Variants in RBFOX1 observed in about 807,000 individuals in gnomAD.
The protein encoded by RBFOX1 is RNA binding fox-1 homolog 1, also known as RNA binding protein fox-1 homolog 1.
Under a neutral mutation model 57.7 loss-of-function variants are expected in RBFOX1, and 8 were observed. That is an observed-to-expected ratio of 0.14 (90% confidence interval 0.08 to 0.25). RBFOX1 has a LOEUF of 0.25. Among genes scored for constraint, RBFOX1 ranks in the 10% least tolerant of loss-of-function variants. The probability of loss-of-function intolerance (pLI) is 1.00; values close to 1 mark genes in which losing one functional copy is unlikely to be tolerated. For missense variants in RBFOX1, 611 were observed against 548.5 expected, an observed-to-expected ratio of 1.11 and a Z score of -1.14; for synonymous variants, 326 against 222.4, an observed-to-expected ratio of 1.47 and a Z score of -4.15.
intron 4 of RBFOX1, among the ~76,000 whole-genome samples, chr16:7,061,542 G>T (rs1430871963): frequency 1.3e-5 from 2 of 151,916 alleles, no homozygotes; most frequent in Admixed American, 1.3e-4. Flanking sequence ...GTCTCCCCAG[G>T]CATTTGAACA....
chr16:6,793,830 A>G (rs10163400), intron 3 of RBFOX1, among the ~76,000 whole-genome samples: 117,796 of 152,028 alleles, frequency 0.77, 46,526 homozygotes, highest in East Asian at 0.93. Flanking sequence ...GTAGAAGGTG[A>G]TGTATTAAAG....
At chr16:6,722,039 C>T (rs1455753711) in intron 3 of RBFOX1, 1 of 152,234 alleles carries the variant, frequency 6.6e-6, no homozygotes, top group East Asian at 1.9e-4. Context: ...GTATTTCCTC[C>T]TATGTATCTA....
chr16:7,222,228 C>G (rs1185668366), intron 4 of RBFOX1, among the ~76,000 whole-genome samples: 1 of 152,178 alleles, frequency 6.6e-6, no homozygotes, highest in Non-Finnish European at 1.5e-5. Flanking sequence ...GCCTTGCATT[C>G]TTCTTTGCTC....
intron 2 of RBFOX1, among the ~76,000 whole-genome samples, chr16:6,608,167 G>C (rs1285741084): frequency 6.6e-6 from 1 of 152,246 alleles, no homozygotes; most frequent in South Asian, 2.1e-4. Context: ...ACTCTTACCA[G>C]ACCTATTTTG....
chr16:6,602,191 TAGG>T (rs1487385779), intron 2 of RBFOX1, among the ~76,000 whole-genome samples: 1 of 152,194 alleles, frequency 6.6e-6, no homozygotes, highest in East Asian at 1.9e-4. Context: ...TGTTGAATTT[TAGG>T]AGTTCTTTAT....
chr16:7,104,082 C>T (rs927035127), intron 4 of RBFOX1, among the ~76,000 whole-genome samples: 1 of 152,150 alleles, frequency 6.6e-6, no homozygotes, highest in East Asian at 1.9e-4. Flanking sequence ...ATCCTGCAAT[C>T]CCACAGATGT....
chr16:6,128,769 A>G (rs1227724346), intron 1 of RBFOX1, among the ~76,000 whole-genome samples: 1 of 152,188 alleles, frequency 6.6e-6, no homozygotes, highest in African/African-American at 2.4e-5. Context: ...CAGTGCTCTG[A>G]GCTAGATGGT....
chr16:6,723,482 G>A (rs538973583), intron 3 of RBFOX1, among the ~76,000 whole-genome samples: 193 of 152,188 alleles, frequency 1.3e-3, no homozygotes, highest in Non-Finnish European at 2.4e-3. Context: ...GTTTTGATCT[G>A]GGTAGAAAAA....
chr16:6,240,352 C>CT (rs1377621198), intron 1 of RBFOX1, among the ~76,000 whole-genome samples: 1 of 152,096 alleles, frequency 6.6e-6, no homozygotes, highest in Non-Finnish European at 1.5e-5. Context: ...AGTTCTTCAG[C>CT]TTATCTTAAA....
intron 2 of RBFOX1, among the ~76,000 whole-genome samples, chr16:6,337,587 A>G (rs1428249755): frequency 6.6e-6 from 1 of 152,244 alleles, no homozygotes; most frequent in African/African-American, 2.4e-5. Context: ...CAAGCAGCCC[A>G]GTAGAGGCAG....
intron 3 of RBFOX1, among the ~76,000 whole-genome samples, chr16:7,031,710 C>T (rs1338966803): frequency 6.6e-6 from 1 of 152,096 alleles, no homozygotes; most frequent in African/African-American, 2.4e-5. Context: ...TAAATGCTAC[C>T]TATTGTGATT....
chr16:7,416,010 G>C (rs2098474273), intron 4 of RBFOX1, among the ~76,000 whole-genome samples: 1 of 152,130 alleles, frequency 6.6e-6, no homozygotes, highest in Admixed American at 6.5e-5. Context: ...CATCTTTGCA[G>C]AGATGATCTC....
intron 3 of RBFOX1, among the ~76,000 whole-genome samples, chr16:5,670,335 A>T (rs2049980240): frequency 6.6e-6 from 1 of 152,210 alleles, no homozygotes; most frequent in African/African-American, 2.4e-5. Flanking sequence ...CACCACAGTC[A>T]AAATAAATAT....
At chr16:6,708,281 T>C (rs1204927987) in intron 3 of RBFOX1, among the ~76,000 whole-genome samples, 1 of 72,894 alleles carries the variant, frequency 1.4e-5, no homozygotes, top group Non-Finnish European at 3.5e-5. Context: ...TCCCAAAGCA[T>C]TTTTGAACAC....
intron 2 of RBFOX1, among the ~76,000 whole-genome samples, chr16:6,589,311 C>T (rs1219079184): frequency 1.3e-5 from 2 of 152,118 alleles, no homozygotes; most frequent in East Asian, 1.9e-4. Context: ...TGTAATTCAC[C>T]CAGAGCCAGC....
chr16:6,926,268 C>T (rs759205897), intron 3 of RBFOX1, among the ~76,000 whole-genome samples: 8 of 152,112 alleles, frequency 5.3e-5, no homozygotes, highest in Non-Finnish European at 1.2e-4. Flanking sequence ...GATCACACCA[C>T]TGCGCTACAG....
intron 4 of RBFOX1, among the ~76,000 whole-genome samples, chr16:7,313,682 T>C (rs1176091835): frequency 2.1e-5 from 3 of 143,046 alleles, no homozygotes; most frequent in Non-Finnish European, 3.0e-5. Context: ...ATAAGCACTT[T>C]TACATGGATT....
intron 4 of RBFOX1, among the ~76,000 whole-genome samples, chr16:7,488,377 G>A (rs929401383): frequency 1.3e-5 from 2 of 152,078 alleles, no homozygotes; most frequent in African/African-American, 2.4e-5. Flanking sequence ...ATACAACTAT[G>A]TACAGATATA....
At position 7,664,930 on chromosome 16, in the gene RBFOX1, G is replaced by A. The variant is rs1434703101; in HGVS notation, c.892G>A (p.Val298Ile). 6.2e-7 allele frequency: 1 copy of A among 1,613,950 alleles called. No homozygotes were observed. ...PPPPIPAYGG[V>I]VYQDGFYGAD... ...CTCTTTGTGTGTGCACCCTTGCAGTGTTGTTTACCAGGATGGATTTTATGG... is the reference window on the plus strand; with the variant it reads ...CTCTTTGTGTGTGCACCCTTGCAGTATTGTTTACCAGGATGGATTTTATGG... Residue 298 changes from valine (V) to isoleucine (I), a missense_variant and splice_region_variant, in exon 13 of 16, where the codon GTT becomes ATT. By Grantham distance (29) the Val-to-Ile change is conservative. Transcript: ENST00000550418.
Sources: allele counts gnomAD v4.1 joint callset (sites outside exome capture counted in the v4.1 genomes callset), GRCh38; gene constraint gnomAD v4.1.1; transcripts MANE v1.5; gene names NCBI Gene and HGNC (gene_info 2026-07-23, HGNC 2026-07-21).